The following GLYATL1 variants were observed in gnomAD, a reference collection of about 807,000 sequenced individuals.
The protein encoded by GLYATL1 is glycine N-acyltransferase-like protein 1.
A neutral mutation model predicts 20.0 loss-of-function variants in GLYATL1; 15 were observed. The ratio of observed to expected loss-of-function variants is 0.75; its 90% CI spans 0.50 to 1.15. The LOEUF is 1.15. Among genes scored for constraint, GLYATL1 ranks in the 50% most tolerant of loss-of-function variants. GLYATL1 has a pLI of 0.00. For synonymous variants in GLYATL1, 151 were observed against 131.5 expected (o/e 1.15, Z -1.01); for missense variants, 380 against 368.5 (o/e 1.03, Z -0.26).
chr11:58,947,858 G>T lies in GLYATL1; in HGVS notation c.79G>T (p.Val27Leu), dbSNP rs1021656239. The change falls in exon 4 of 7, where the codon GTG becomes TTG. Residue 27 changes from valine (V) to leucine (L), a missense_variant and splice_region_variant. By Grantham distance (32) the Val-to-Leu change is conservative (BLOSUM62 1). Coordinates refer to ENST00000532726, the MANE Select transcript of GLYATL1 (RefSeq NM_001389712.2). ...CTGGTCCCTTTCATCCCTCCTTCAG[G>T]TGTATGGCTCTGTGTATCACATCAA... ...LARSIPESLK[V>L]YGSVYHINHG... is the part of the protein sequence containing the mutation. 2.5e-6 allele frequency: 4 copies of T among 1,606,482 alleles called. No homozygotes were observed. The highest frequency in any genetic ancestry group is 3.3e-5 in the Admixed American group (2 of 59,982).
At chr11:58,926,465 CTTAA>C (rs1855430733), upstream of GLYATL1, among the ~76,000 whole-genome samples, 1 of 152,152 alleles carries the variant, frequency 6.6e-6, no homozygotes. Flanking sequence ...CCAGAGTAAA[CTTAA>C]TTGAGGCTGT....
At chr11:58,946,598 A>G (rs779652278) in intron 2 of GLYATL1, among the ~76,000 whole-genome samples, 1 of 152,238 alleles carries the variant, frequency 6.6e-6, no homozygotes, top group Non-Finnish European at 1.5e-5. Context: ...CTGAGAAACT[A>G]AAGAAAATCT....
In GLYATL1 at chr11:58,954,841, A is replaced by G. The variant is rs1342031403; in HGVS notation, c.258A>G (p.Glu86=). 1 of 1,613,258 alleles carries G rather than the reference A, an allele frequency of 6.2e-7. No individual in the cohort carries two copies. The highest frequency in any genetic ancestry group is 8.5e-7 in the Non-Finnish European group (1 of 1,179,548). The change falls in exon 5 of 7, where the codon GAA becomes GAG. Residue 86 remains glutamate (E), a synonymous_variant. Transcript: ENST00000532726. ...TCTCCAAAGAGCCTCAAAAATCAGA[A>G]GAAGTTTTGAAAAATTGTGAGATCG... ...RMFSKEPQKS[E]EVLKNCEIVN...
intron 2 of GLYATL1, among the ~76,000 whole-genome samples, chr11:58,945,096 T>C (rs1465597860): frequency 1.3e-5 from 2 of 149,992 alleles, no homozygotes; most frequent in African/African-American, 4.9e-5. Context: ...AGGGAATGAG[T>C]AATTGTGATT....
At chr11:58,931,362 G>A (rs917545126) in intron 1 of GLYATL1, among the ~76,000 whole-genome samples, 5 of 152,230 alleles carry the variant, frequency 3.3e-5, no homozygotes, top group Non-Finnish European at 5.9e-5. Context: ...TGTATATCCC[G>A]ATAAGGTCAC....
chr11:58,916,291 G>C (rs1029390495), intron 1 of GLYATL1, among the ~76,000 whole-genome samples: 1 of 152,158 alleles, frequency 6.6e-6, no homozygotes, highest in Admixed American at 6.5e-5. Context: ...TGACATGTTT[G>C]CTTCTCTGAT....
At chr11:58,922,714 G>A (rs937671697), upstream of GLYATL1, among the ~76,000 whole-genome samples, 13 of 152,108 alleles carry the variant, frequency 8.5e-5, no homozygotes, top group African/African-American at 1.4e-4. Flanking sequence ...TTCCTATGCC[G>A]TTGATTTTTC....
intron 4 of GLYATL1, among the ~76,000 whole-genome samples, chr11:58,949,309 A>C (rs1377568022): frequency 2.0e-5 from 3 of 152,186 alleles, no homozygotes; most frequent in Non-Finnish European, 4.4e-5. Flanking sequence ...CGGATGCAGA[A>C]AGTGACAAAG....
chr11:58,907,137 A>G lies in GLYATL1; in HGVS notation n.239-104A>G, dbSNP rs1017279062. 8.1e-6 allele frequency: 3 copies of G among 370,502 alleles called. No homozygotes were observed. In the Admixed American group the frequency reaches 9.5e-5, roughly 12 times the overall value. The allele number at this position is 370,502 out of a possible 1,614,324, so 23.0% of individuals were successfully genotyped here. On this transcript the variant is annotated intron_variant and non_coding_transcript_variant, in intron 1 of 1. Transcript: ENST00000524629. ...TAGGGTGGTTCTTTCCTGGCCTTGG[A>G]AAGTTTTCTCAGCCGGGGCTCTGAT...
At chr11:58,949,944 T>G (rs1423709689) in intron 4 of GLYATL1, among the ~76,000 whole-genome samples, 1 of 126,846 alleles carries the variant, frequency 7.9e-6, no homozygotes, top group Non-Finnish European at 1.8e-5. Flanking sequence ...GTTAATAACC[T>G]CTTACCTCCC....
At chr11:58,920,788 G>T (rs180771050) in intron 1 of GLYATL1, among the ~76,000 whole-genome samples, 1 of 152,130 alleles carries the variant, frequency 6.6e-6, no homozygotes, top group Non-Finnish European at 1.5e-5. Flanking sequence ...AACTGAGTGC[G>T]GTACCCGGAT....
chr11:58,906,811 G>A (rs1415304400), intron 1 of GLYATL1, among the ~76,000 whole-genome samples: 1 of 152,188 alleles, frequency 6.6e-6, no homozygotes, highest in East Asian at 1.9e-4. Flanking sequence ...TTTTAGGAAA[G>A]CATTGAGGTC....
At chr11:58,916,185 C>A (rs1253688566) in intron 1 of GLYATL1, among the ~76,000 whole-genome samples, 2 of 152,196 alleles carry the variant, frequency 1.3e-5, no homozygotes, top group Non-Finnish European at 2.9e-5. Context: ...GCCTCCTGTA[C>A]TGCCACTTTC....
At chr11:58,930,683 C>T (rs918547263) in intron 1 of GLYATL1, among the ~76,000 whole-genome samples, 4 of 151,976 alleles carry the variant, frequency 2.6e-5, no homozygotes, top group African/African-American at 4.8e-5. Context: ...ATTTGTTAAC[C>T]TTTTATGGAG....
upstream of GLYATL1, among the ~76,000 whole-genome samples, chr11:58,937,685 CA>C: frequency 6.6e-6 from 1 of 152,262 alleles, no homozygotes; most frequent in South Asian, 2.1e-4. Context: ...GCAAAGTCTC[CA>C]AAGTTTTCCA....
At chr11:58,905,737 A>G in intron 1 of GLYATL1, 1 of 5,728 alleles carries the variant, frequency 1.7e-4, no homozygotes, top group Non-Finnish European at 3.2e-4. Flanking sequence ...ATCTGGACAA[A>G]TAGGGAGGGT....
intron 1 of GLYATL1, among the ~76,000 whole-genome samples, chr11:58,920,062 A>G (rs898973934): frequency 2.0e-5 from 3 of 152,126 alleles, no homozygotes; most frequent in Non-Finnish European, 4.4e-5. Context: ...GAGGGGAGGC[A>G]TAGCTAAGGC....
intron 1 of GLYATL1, among the ~76,000 whole-genome samples, chr11:58,928,981 C>T (rs1399479255): frequency 6.6e-6 from 1 of 152,192 alleles, no homozygotes; most frequent in African/African-American, 2.4e-5. Flanking sequence ...TGACCTAATG[C>T]TCTAAGGTAA....
At chr11:58,936,542 A>T (rs1270608163), upstream of GLYATL1, among the ~76,000 whole-genome samples, 1 of 152,240 alleles carries the variant, frequency 6.6e-6, no homozygotes, top group Non-Finnish European at 1.5e-5. Flanking sequence ...TGTCTTTCTT[A>T]ACCACAGTTT....
Sources: allele counts gnomAD v4.1 joint callset (sites outside exome capture counted in the v4.1 genomes callset), GRCh38; gene constraint gnomAD v4.1.1; transcripts MANE v1.5; gene names NCBI Gene and HGNC (gene_info 2026-07-23, HGNC 2026-07-21).